ANKRA2: variants seen among roughly 807,000 people sequenced by gnomAD.
ANKRA2 encodes ankyrin repeat family A member 2.
A neutral mutation model predicts 37.8 loss-of-function variants in ANKRA2; 33 were observed. The observed-to-expected ratio is 0.87, with a 90% CI of 0.66 to 1.17. ANKRA2 has a LOEUF of 1.17. ANKRA2 is among the 50% of genes most tolerant of loss of function. The pLI, the probability that ANKRA2 is intolerant of heterozygous loss-of-function variation, is 0.00. For missense variants in ANKRA2, 326 were observed against 373.7 expected (o/e 0.87, Z 1.05); for synonymous variants, 126 against 132.3 (o/e 0.95, Z 0.33).
Position 73,552,725 on chromosome 5 carries a change from T to C in ANKRA2, c.*72A>G. On this transcript the variant is annotated 3_prime_UTR_variant, in exon 9 of 9. Transcript: ENST00000296785. ...ATATTGCAACTGAGGTAAAAATTTA[T>C]AAGTAAACAAAACTATCATTTATAA... The C allele has an allele frequency of 1.4e-6, 2 of 1,422,598 alleles. No homozygotes were observed. Among genetic ancestry groups the C allele is most frequent in the Non-Finnish European group, 2.0e-6 (2 of 1,025,390 alleles). The allele number at this position is 1,422,598 out of a possible 1,614,324, so 88.1% of individuals were successfully genotyped here.
intron 5 of ANKRA2, 101 bp downstream of exon 5, chr5:73,555,386 TA>T: frequency 6.7e-7 from 1 of 1,493,920 alleles, no homozygotes; most frequent in Middle Eastern, 1.8e-4. Context: ...CTTTTTTTGG[TA>T]GCCTCTACCA....
chr5:73,560,953 A>G (rs1050948773), intron 3 of ANKRA2, among the ~76,000 whole-genome samples, 177 bp downstream of exon 3: 3 of 152,236 alleles, frequency 2.0e-5, no homozygotes, highest in African/African-American at 7.2e-5. Flanking sequence ...AGGTTCATCC[A>G]TGTGTCACCA....
intron 3 of ANKRA2, among the ~76,000 whole-genome samples, 186 bp from the exon 4 acceptor site, chr5:73,557,826 C>T (rs1747442491): frequency 6.6e-6 from 1 of 152,154 alleles, no homozygotes; most frequent in South Asian, 2.1e-4. Context: ...CCCGTAATCC[C>T]AGCACTTTGG....
At chr5:73,554,711 C>A in intron 6 of ANKRA2, 150 bp downstream of exon 6, 1 of 914,746 alleles carries the variant, frequency 1.1e-6, no homozygotes, top group African/African-American at 1.7e-5. Context: ...AGCTATCCTC[C>A]CGCTTCAGCC....
At chr5:73,554,482 A>G in intron 6 of ANKRA2, 94 bp from the exon 7 acceptor site, 1 of 802,204 alleles carries the variant, frequency 1.2e-6, no homozygotes, top group Non-Finnish European at 2.0e-6. Context: ...AATTAGACAT[A>G]TAATCATTTA....
At chr5:73,553,075 C>T (rs1580374986) in intron 8 of ANKRA2, among the ~76,000 whole-genome samples, 1 of 152,116 alleles carries the variant, frequency 6.6e-6, no homozygotes, top group East Asian at 1.9e-4. Flanking sequence ...GTCTTTGTTT[C>T]TTTATTTTTG....
Position 73,562,750 on chromosome 5 carries a change from T to C in ANKRA2, c.132A>G (p.Ser44=). Residue 44 remains serine (S), a synonymous_variant, in exon 2 of 9, where the codon TCA becomes TCG. Transcript: ENST00000296785. ...TCATTCCCATGGCAACACCCTGAGCTGACCCTTCTTCTGAATTTGGGTCCA... is the reference window on the plus strand; with the variant it reads ...TCATTCCCATGGCAACACCCTGAGCCGACCCTTCTTCTGAATTTGGGTCCA... ...HPLDPNSEEG[S]AQGVAMGMKF... 1.2e-6 allele frequency: 2 copies of C among 1,614,216 alleles called. No individual in the cohort carries two copies. Among genetic ancestry groups the C allele is most frequent in the Non-Finnish European group, 1.7e-6 (2 of 1,180,032 alleles).
In ANKRA2 at chr5:73,552,254, A is replaced by G. The variant is rs1273265735; in HGVS notation, c.*543T>C. On this transcript the variant is annotated 3_prime_UTR_variant, in exon 9 of 9. Transcript: ENST00000296785. ...ATATTGTTTGATCTAATGAAGTGTTACGGCAGGACAGAAGGGTGAAATTAA... is the reference window on the plus strand; with the variant it reads ...ATATTGTTTGATCTAATGAAGTGTTGCGGCAGGACAGAAGGGTGAAATTAA... 1.3e-5 allele frequency: 2 copies of G among 152,542 alleles called. No homozygotes were observed. The highest frequency in any genetic ancestry group is 6.5e-5 in the Admixed American group (1 of 15,282). 9.4% of individuals were successfully genotyped at this position (152,542 alleles called of 1,614,324 possible).
intron 8 of ANKRA2, 90 bp downstream of exon 8, chr5:73,553,316 G>T (rs1747300523): frequency 1.1e-6 from 1 of 942,510 alleles, no homozygotes; most frequent in East Asian, 2.5e-5. Flanking sequence ...CATGTTTTAG[G>T]ATTACAGTGA....
intron 4 of ANKRA2, 140 bp downstream of exon 4, chr5:73,557,435 C>G: frequency 2.6e-5 from 4 of 154,906 alleles, no homozygotes; most frequent in Non-Finnish European, 3.6e-5. Flanking sequence ...TTTTTTTTTA[C>G]TATCCATTGG....
intron 4 of ANKRA2, among the ~76,000 whole-genome samples, chr5:73,556,049 A>C (rs1747391127): frequency 6.6e-6 from 1 of 152,222 alleles, no homozygotes; most frequent in Non-Finnish European, 1.5e-5. Flanking sequence ...AGAAATATAT[A>C]AACTTATTGA....
At chr5:73,561,723 C>T (rs543912673) in intron 2 of ANKRA2, among the ~76,000 whole-genome samples, 2 of 151,976 alleles carry the variant, frequency 1.3e-5, no homozygotes, top group South Asian at 4.2e-4. Context: ...GCCAAGATCT[C>T]GCCACTGCAC....
At chr5:73,562,287 G>A (rs1015847327) in intron 2 of ANKRA2, among the ~76,000 whole-genome samples, 3 of 152,120 alleles carry the variant, frequency 2.0e-5, no homozygotes, top group Non-Finnish European at 4.4e-5. Flanking sequence ...AAAGTGCTGG[G>A]ATTACAGGCA....
rs1747702701 is a variant in ANKRA2, at chr5:73,565,341, C to T, written c.-314G>A. ...TGAGAGTGCAAGGTCTCGCGACCACCGACGACAGCAGACAGCGAGTCGGGC... is the reference window on the plus strand; with the variant it reads ...TGAGAGTGCAAGGTCTCGCGACCACTGACGACAGCAGACAGCGAGTCGGGC... On this transcript the variant is annotated 5_prime_UTR_variant, in exon 1 of 9. Transcript: ENST00000296785. The T allele has an allele frequency of 6.4e-6, 1 of 157,128 alleles. No individual in the cohort carries two copies. The highest frequency in any genetic ancestry group is 6.2e-5 in the Admixed American group (1 of 16,002). 9.7% of individuals were successfully genotyped at this position (157,128 alleles called of 1,614,324 possible). A position where few individuals can be genotyped will look rare whatever the true frequency, so the allele number is the denominator to read the frequency against.
In ANKRA2 at chr5:73,562,866, T is replaced by A; in HGVS notation, c.16A>T (p.Asn6Tyr). MDTSTNLDIGAQLIVE... is the reference protein window; with the variant it reads MDTSTYLDIGAQLIVE... ...ATAAGCTGGGCTCCAATATCCAGATTTGTTGATGTATCCATGATTTCAACT... is the reference window on the plus strand; with the variant it reads ...ATAAGCTGGGCTCCAATATCCAGATATGTTGATGTATCCATGATTTCAACT... The change falls in exon 2 of 9, where the codon AAT becomes TAT. Residue 6 changes from asparagine (N) to tyrosine (Y), a missense_variant. Around this residue, in one of 3 missense-constraint regions of ANKRA2, gnomAD observed 93 missense variants for 91.1 expected, o/e 1.02. Transcript: ENST00000296785. 6.2e-7 allele frequency: 1 copy of A among 1,608,328 alleles called. No homozygotes were observed. The highest frequency in any genetic ancestry group is 8.5e-7 in the Non-Finnish European group (1 of 1,176,380).
At position 73,556,401 on chromosome 5, in the gene ANKRA2, G is replaced by C. The variant is rs184763587; in HGVS notation, c.515-816C>G. 1.7e-3 allele frequency among the ~76,000 whole-genome samples: 257 copies of C among 152,292 alleles called. 1 individual carries two copies. Among genetic ancestry groups the C allele is most frequent in the Non-Finnish European group, 2.7e-3 (187 of 68,012 alleles). On this transcript the variant is annotated intron_variant, in intron 4 of 8. Coordinates refer to ENST00000296785, the MANE Select transcript of ANKRA2 (RefSeq NM_023039.5). ...TCAGACTCCCTGTATTCAATAAACA[G>C]TTTTGGGACAACTGGCTAACTTTTT...
chr5:73,562,775 AG>A lies in ANKRA2; in HGVS notation c.106del (p.Leu36TrpfsTer17). On this transcript the variant is annotated frameshift_variant, in exon 2 of 9. Coordinates refer to ENST00000296785, the MANE Select transcript of ANKRA2 (RefSeq NM_023039.5). LOFTEE classifies it high-confidence loss of function. The stretch of plus-strand genomic sequence containing the variant: ...TGACCCTTCTTCTGAATTTGGGTCC[AG>A]TGGATGTTCTATTTTAATGTCTGGC... ...GMPDIKIEHPLDPNSEEGSAQ... is the reference protein window; with the variant it reads ...GMPDIKIEHPXDPNSEEGSAQ... 6.2e-7 allele frequency: 1 copy of A among 1,614,168 alleles called. No homozygotes were observed. The highest frequency in any genetic ancestry group is 8.5e-7 in the Non-Finnish European group (1 of 1,180,020).
chr5:73,552,728 G>T lies in ANKRA2; in HGVS notation c.*69C>A. On this transcript the variant is annotated 3_prime_UTR_variant, in exon 9 of 9. Transcript: ENST00000296785. ...TTGCAACTGAGGTAAAAATTTATAA[G>T]TAAACAAAACTATCATTTATAAGGA... The T allele has an allele frequency of 7.0e-7, 1 of 1,438,200 alleles. No homozygotes were observed. Among genetic ancestry groups the T allele is most frequent in the Non-Finnish European group, 9.6e-7 (1 of 1,038,884 alleles). 89.1% of individuals were successfully genotyped at this position (1,438,200 alleles called of 1,614,324 possible). A position where few individuals can be genotyped will look rare whatever the true frequency, so the allele number is the denominator to read the frequency against.
chr5:73,559,502 C>T (rs1396554104), intron 3 of ANKRA2, among the ~76,000 whole-genome samples: 1 of 152,076 alleles, frequency 6.6e-6, no homozygotes, highest in East Asian at 1.9e-4. Context: ...TTCAAAATTA[C>T]AGTGCAAATC....
Sources: allele counts gnomAD v4.1 joint callset (sites outside exome capture counted in the v4.1 genomes callset), GRCh38; gene constraint gnomAD v4.1.1; regional missense constraint gnomAD v4.1.1; transcripts MANE v1.5; gene names NCBI Gene and HGNC (gene_info 2026-07-23, HGNC 2026-07-21).